The following LAMB1 variants were observed in gnomAD, a reference collection of about 807,000 sequenced individuals.
LAMB1 encodes the protein laminin subunit beta 1.
LAMB1 carries 121 observed loss-of-function variants against 222.3 expected under a neutral mutation model. The ratio of observed to expected loss-of-function variants is 0.54; its 90% CI spans 0.47 to 0.63. The LOEUF is 0.63. Ranked by LOEUF, LAMB1 falls within the 30% of genes least tolerant of loss-of-function variation. The pLI is 0.00. For synonymous variants in LAMB1, 794 were observed against 807.2 expected (o/e 0.98, Z 0.28); for missense variants, 2,172 against 2,240.8 (o/e 0.97, Z 0.62).
rs759246770 is a variant in LAMB1, at chr7:107,962,866, C to A, written c.1857+39G>T. 21 of 1,567,838 alleles carry A rather than the reference C, an allele frequency of 1.3e-5. No individual in the cohort carries two copies. In the South Asian group the frequency reaches 2.3e-4, roughly 17 times the overall value. ...AAGTACTATTTTTCTACTGATTCTC[C>A]CCTCCCTCCTCCACCAGTCCACTAA... is the stretch of plus-strand genomic sequence containing the variant. On this transcript the variant is annotated intron_variant, in intron 15 of 33. Coordinates refer to ENST00000222399, the MANE Select transcript of LAMB1 (RefSeq NM_002291.3).
chr7:107,931,262 C>T, intron 29 of LAMB1, 94 bp downstream of exon 29: 1 of 1,090,392 alleles, frequency 9.2e-7, no homozygotes, highest in Non-Finnish European at 1.3e-6. Context: ...GGAAATGTCA[C>T]TTAGTACCCT....
At chr7:108,002,094 C>A (rs1253470082) in intron 2 of LAMB1, 13 of 1,469,990 alleles carry the variant, frequency 8.8e-6, no homozygotes, top group Non-Finnish European at 1.2e-5. Context: ...CGGAGCCCGG[C>A]GCAGGGAGGC....
chr7:107,926,855 G>A (rs899853537), intron 31 of LAMB1, among the ~76,000 whole-genome samples: 1 of 152,072 alleles, frequency 6.6e-6, no homozygotes, highest in Non-Finnish European at 1.5e-5. Flanking sequence ...AATTTCTATA[G>A]AATTGTGAGA....
intron 24 of LAMB1, among the ~76,000 whole-genome samples, chr7:107,943,970 T>C (rs962939270): frequency 6.6e-6 from 1 of 152,202 alleles, no homozygotes; most frequent in Non-Finnish European, 1.5e-5. Context: ...GTGATGCCAT[T>C]TGTAATAAAA....
chr7:107,950,760 A>C (rs2033225328), intron 24 of LAMB1, among the ~76,000 whole-genome samples: 1 of 152,214 alleles, frequency 6.6e-6, no homozygotes, highest in Non-Finnish European at 1.5e-5. Flanking sequence ...CACTGAATCC[A>C]GTGATCTTAC....
At chr7:107,976,346 C>T (rs1445054117) in intron 9 of LAMB1, among the ~76,000 whole-genome samples, 2 of 152,136 alleles carry the variant, frequency 1.3e-5, no homozygotes, top group South Asian at 2.1e-4. Flanking sequence ...TTCCCTTCTC[C>T]GTATTCCCAT....
chr7:107,971,327 A>G (rs1046904998), intron 13 of LAMB1, among the ~76,000 whole-genome samples: 1 of 152,206 alleles, frequency 6.6e-6, no homozygotes, highest in African/African-American at 2.4e-5. Context: ...CCTACAACGT[A>G]TTTCTTTTAC....
At chr7:107,926,120 G>T in intron 32 of LAMB1, 63 bp downstream of exon 32, 1 of 1,305,290 alleles carries the variant, frequency 7.7e-7, no homozygotes, top group Non-Finnish European at 1.1e-6. Context: ...CTCTAAGGCA[G>T]GCAAGGAGGA....
chr7:107,960,379 A>T, intron 18 of LAMB1, 66 bp downstream of exon 18: 1 of 1,241,554 alleles, frequency 8.1e-7, no homozygotes, highest in Non-Finnish European at 1.2e-6. Context: ...ACTCCACTGT[A>T]CTTCATGTGC....
At chr7:107,961,110 G>A (rs140769406) in intron 17 of LAMB1, 96 bp downstream of exon 17, 66 of 1,381,342 alleles carry the variant, frequency 4.8e-5, no homozygotes, top group Non-Finnish European at 6.6e-5. Flanking sequence ...TGCTTACGCT[G>A]GCCTCAGCAT....
At chr7:107,975,439 T>A (rs1188582827) in intron 10 of LAMB1, 26 bp from the exon 11 acceptor site, 1 of 1,578,774 alleles carries the variant, frequency 6.3e-7, no homozygotes, top group Non-Finnish European at 8.6e-7. Context: ...AGCACCAGGT[T>A]AAAATCAGGA....
chr7:107,951,094 T>C, intron 24 of LAMB1, 132 bp downstream of exon 24: 1 of 640,830 alleles, frequency 1.6e-6, no homozygotes, highest in Non-Finnish European at 2.8e-6. Flanking sequence ...TGTTAATTTA[T>C]TTTGCAATTA....
At chr7:107,991,627 T>C (rs1036665972) in intron 5 of LAMB1, among the ~76,000 whole-genome samples, 2 of 150,864 alleles carry the variant, frequency 1.3e-5, no homozygotes, top group Admixed American at 6.6e-5. Context: ...TTTCTAAGAT[T>C]AGGCTGGGCG....
chr7:107,983,896 G>A (rs76740953), intron 7 of LAMB1, among the ~76,000 whole-genome samples: 8,398 of 152,152 alleles, frequency 0.055, 304 homozygotes, highest in African/African-American at 0.1. Flanking sequence ...GTTGAATGTG[G>A]TAAAGAGCTC....
At position 107,961,682 on chromosome 7, in the gene LAMB1, A is replaced by C; in HGVS notation, c.1858-6T>G. On this transcript the variant is annotated splice_region_variant and splice_polypyrimidine_tract_variant and intron_variant, in intron 15 of 33. Transcript: ENST00000222399. ...TTTTCCCAGTGGTCGGGTAGCTAGA[A>C]TAAGAAACAAACAATGAAAAGATAG... The C allele has an allele frequency of 1.2e-6, 2 of 1,612,320 alleles. No homozygotes were observed. The highest frequency in any genetic ancestry group is 1.7e-6 in the Non-Finnish European group (2 of 1,178,510).
At chr7:107,951,380 T>C (rs1375138997) in intron 23 of LAMB1, 58 bp from the exon 24 acceptor site, 2 of 1,489,354 alleles carry the variant, frequency 1.3e-6, no homozygotes, top group Non-Finnish European at 1.9e-6. Context: ...CCAGTTGTCA[T>C]CTTTTTTTTC....
At chr7:107,948,278 T>C (rs1372074151) in intron 24 of LAMB1, among the ~76,000 whole-genome samples, 6 of 152,208 alleles carry the variant, frequency 3.9e-5, no homozygotes, top group Non-Finnish European at 4.4e-5. Flanking sequence ...TGAACCACCG[T>C]GCCCGGCTAA....
At chr7:107,939,353 T>G (rs1299644364) in intron 25 of LAMB1, among the ~76,000 whole-genome samples, 1 of 151,604 alleles carries the variant, frequency 6.6e-6, no homozygotes, top group Non-Finnish European at 1.5e-5. Flanking sequence ...AGAGAAGGGG[T>G]GGGATGAGGA....
chr7:107,981,244 C>CA (rs2033967376), intron 7 of LAMB1, among the ~76,000 whole-genome samples: 2 of 152,084 alleles, frequency 1.3e-5, no homozygotes, highest in African/African-American at 4.8e-5. Flanking sequence ...GTCAGGAGTT[C>CA]AAAACCAGCC....
Sources: gnomAD v4.1 joint callset for allele counts (sites outside exome capture counted in the v4.1 genomes callset) on GRCh38, gnomAD v4.1.1 for gene constraint, MANE v1.5 for transcripts, NCBI Gene and HGNC (gene_info 2026-07-23, HGNC 2026-07-21) for gene names.